The following ATG9A variants were observed in gnomAD, a reference collection of about 807,000 sequenced individuals.
ATG9A encodes the protein autophagy-related protein 9A.
In ATG9A, 21 loss-of-function variants were observed where a neutral mutation model predicts 87.1. The ratio of observed to expected loss-of-function variants is 0.24; its 90% CI spans 0.17 to 0.35. The LOEUF (loss-of-function observed/expected upper bound fraction) is 0.35, where lower values mean the gene tolerates loss of function less well. Among genes scored for constraint, ATG9A ranks in the 10% least tolerant of loss-of-function variants. The pLI, the probability that ATG9A is intolerant of heterozygous loss-of-function variation, is 1.00. For missense variants in ATG9A, 836 were observed against 1,107.3 expected (o/e 0.76, Z 3.48); for synonymous variants, 422 against 441.3 (o/e 0.96, Z 0.55).
rs1417044536 is a variant in ATG9A, at chr2:219,222,183, G to GA, written c.2028-17dup. ...GGCATCCACCCTGTCTCTCCCAACA[G>GA]AGACAGACAGCAGCTGTGAACTTCT... On this transcript the variant is annotated splice_polypyrimidine_tract_variant and intron_variant, in intron 12 of 15. Transcript: ENST00000361242. The surrounding 1 kb of genome is among the most constrained non-coding windows in gnomAD (Gnocchi z 4.3). 3.7e-6 allele frequency: 6 copies of GA among 1,613,496 alleles called. No homozygotes were observed. The highest frequency in any genetic ancestry group is 5.1e-6 in the Non-Finnish European group (6 of 1,179,786).
chr2:219,223,500 G>A lies in ATG9A; in HGVS notation c.1599+85C>T. ...ATAGGACTGCCTTTGTGTGACTCAG[G>A]AGAGGTGTCTTTTTGCGGTTTTCCC... On this transcript the variant is annotated intron_variant, in intron 10 of 15. Coordinates refer to ENST00000361242, the MANE Select transcript of ATG9A (RefSeq NM_001077198.3). The surrounding 1 kb of genome is among the most constrained non-coding windows in gnomAD (Gnocchi z 4.7). 1 of 1,437,058 alleles carries A rather than the reference G, an allele frequency of 7.0e-7. No individual in the cohort carries two copies. Among genetic ancestry groups the A allele is most frequent in the Non-Finnish European group, 9.4e-7 (1 of 1,068,392 alleles). 89.0% of individuals were successfully genotyped at this position (1,437,058 alleles called of 1,614,324 possible). A position where few individuals can be genotyped will look rare whatever the true frequency, so the allele number is the denominator to read the frequency against.
chr2:219,220,733 C>A lies in ATG9A; in HGVS notation c.2514+14G>T. ...CTATTTCTGGCAGTTTTTCCTAGGC[C>A]CCGGGGCCCTTACCTTGTGCACCTG... On this transcript the variant is annotated intron_variant, in intron 15 of 15. Coordinates refer to ENST00000361242, the MANE Select transcript of ATG9A (RefSeq NM_001077198.3). 1 of 1,610,238 alleles carries A rather than the reference C, an allele frequency of 6.2e-7. No individual in the cohort carries two copies. The highest frequency in any genetic ancestry group is 8.5e-7 in the Non-Finnish European group (1 of 1,178,006).
rs1950800358 is a variant in ATG9A at position 219,223,278 on chromosome 2, A to T, written c.1599+307T>A. Among the ~76,000 whole-genome samples, 3 of 151,938 alleles carry T rather than the reference A, an allele frequency of 2.0e-5. No individual in the cohort carries two copies. The South Asian group carries it at 6.3e-4, about 32-fold the overall frequency. On this transcript the variant is annotated intron_variant, in intron 10 of 15. Transcript: ENST00000361242. This position sits in a 1 kb window ranked among gnomAD's most constrained non-coding sequence, Gnocchi z 4.7. Reference sequence around the variant, plus strand: ...AATTTTTTTGTATTTTTAGTAGAGAAGGGGTTTCACCGTGTTAGCCAGGAT... The same window carrying T: ...AATTTTTTTGTATTTTTAGTAGAGATGGGGTTTCACCGTGTTAGCCAGGAT...
chr2:219,227,858 G>T (rs1283278819), intron 3 of ATG9A, 45 bp from the exon 4 acceptor site: 4 of 1,612,782 alleles, frequency 2.5e-6, no homozygotes, highest in Non-Finnish European at 3.4e-6. Flanking sequence ...GAGAACACAA[G>T]CCCCTTGCTC....
In ATG9A at chr2:219,220,803, G is replaced by A; in HGVS notation, c.2458C>T (p.Pro820Ser). The stretch of plus-strand genomic sequence containing the variant: ...GAGCCCTCTTCGGGCACGGGCTCAG[G>A]GTGCCTTGATGCCGACTGCCCATCT... ...AEDGQSASRH[P>S]EPVPEEGSED... is the part of the protein sequence containing the mutation. The change falls in exon 15 of 16, where the codon CCT (proline) becomes TCT (serine). Residue 820 changes from proline to serine, a missense_variant. Transcript: ENST00000361242. The A allele has an allele frequency of 6.2e-7, 1 of 1,613,484 alleles. No individual in the cohort carries two copies. The highest frequency in any genetic ancestry group is 8.5e-7 in the Non-Finnish European group (1 of 1,179,996).
Position 219,228,036 on chromosome 2 carries a change from CCT to C in ATG9A, c.-14_-13del. 3 of 1,608,458 alleles carry C rather than the reference CCT, an allele frequency of 1.9e-6. No individual in the cohort carries two copies. Among genetic ancestry groups the C allele is most frequent in the Non-Finnish European group, 2.6e-6 (3 of 1,175,990 alleles). On this transcript the variant is annotated 5_prime_UTR_variant, in exon 3 of 16. Coordinates refer to ENST00000361242, the MANE Select transcript of ATG9A (RefSeq NM_001077198.3). ...TCAAACTGCGCCATCACCACCGCCC[CCT>C]GTCCACCTTGACCACCTGCCAATAA... is the stretch of plus-strand genomic sequence containing the variant.
intron 5 of ATG9A, 71 bp downstream of exon 5, chr2:219,226,798 G>C: frequency 1.4e-6 from 2 of 1,440,524 alleles, no homozygotes; most frequent in Non-Finnish European, 2.0e-6. Flanking sequence ...GTTGGGCCAA[G>C]TGTGAGTGCA....
In ATG9A at chr2:219,222,098, T is replaced by C. The variant is rs777048803; in HGVS notation, c.2097A>G (p.Ser699=). 1.2e-6 allele frequency: 2 copies of C among 1,614,118 alleles called. No individual in the cohort carries two copies. The highest frequency in any genetic ancestry group is 1.3e-5 in the African/African-American group (1 of 75,056). The change falls in exon 13 of 16, where the codon TCA becomes TCG. Residue 699 remains serine, a synonymous_variant. Coordinates refer to ENST00000361242, the MANE Select transcript of ATG9A (RefSeq NM_001077198.3). This position sits in a 1 kb window ranked among gnomAD's most constrained non-coding sequence, Gnocchi z 4.3. ...GGCTCATCTCTGTGGATGCATATTC[T>C]GACAGCACCAGGCTCTGCAGCTGTC... ...WEGQLQSLVL[S]EYASTEMSLH...
intron 13 of ATG9A, 105 bp downstream of exon 13, chr2:219,221,945 G>T: frequency 1.1e-6 from 1 of 952,238 alleles, no homozygotes; most frequent in Non-Finnish European, 1.6e-6. Context: ...GGTAGATATG[G>T]GAGTGGAGGT....
Position 219,227,925 on chromosome 2 carries a change from TGCTCCCCTCGGCGACGTGCACCAACAG to T in ATG9A, c.73_99del (p.Leu25_Ser33del). Reference sequence around the variant, plus strand: ...GCTGTCATATCCAAGAACTCACACTTGCTCCCCTCGGCGACGTGCACCAACAGGTCCTCCTCCCCTGGGGGTGAATCA... The same window carrying T: ...GCTGTCATATCCAAGAACTCACACTTGTCCTCCTCCCCTGGGGGTGAATCA... On this transcript the variant is annotated inframe_deletion, in exon 3 of 16. Coordinates refer to ENST00000361242, the MANE Select transcript of ATG9A (RefSeq NM_001077198.3). 6.2e-7 allele frequency: 1 copy of T among 1,614,090 alleles called. No homozygotes were observed. Among genetic ancestry groups the T allele is most frequent in the Non-Finnish European group, 8.5e-7 (1 of 1,179,986 alleles).
chr2:219,226,728 C>T, intron 5 of ATG9A, 141 bp downstream of exon 5: 2 of 735,308 alleles, frequency 2.7e-6, no homozygotes, highest in Admixed American at 4.5e-5. Context: ...GGTGCCACAC[C>T]CAGTCCCTGA....
At position 219,223,310 on chromosome 2, in the gene ATG9A, G is replaced by A. The variant is rs907286645; in HGVS notation, c.1599+275C>T. Among the ~76,000 whole-genome samples, 1 of 151,978 alleles carries A rather than the reference G, an allele frequency of 6.6e-6. No individual in the cohort carries two copies. The highest frequency in any genetic ancestry group is 1.5e-5 in the Non-Finnish European group (1 of 68,002). ...TCACCGTGTTAGCCAGGATGGTCTC[G>A]ATCTCCTGACCTCGTGATCCACCCG... On this transcript the variant is annotated intron_variant, in intron 10 of 15. Transcript: ENST00000361242. The surrounding 1 kb of genome is among the most constrained non-coding windows in gnomAD (Gnocchi z 4.7).
rs1450702130 is a variant in ATG9A at position 219,227,932 on chromosome 2, C to T, written c.93G>A (p.Glu31=). Residue 31 remains glutamate, a synonymous_variant, in exon 3 of 16, where the codon GAG becomes GAA. Transcript: ENST00000361242. ...GEEDLLVHVA[E]GSKSPWHHIE... ...TATCCAAGAACTCACACTTGCTCCC[C>T]TCGGCGACGTGCACCAACAGGTCCT... The T allele has an allele frequency of 3.1e-6, 5 of 1,614,044 alleles. No individual in the cohort carries two copies. The highest frequency in any genetic ancestry group is 3.3e-5 in the Admixed American group (2 of 60,008).
Position 219,224,612 on chromosome 2 carries a change from C to T in ATG9A, c.759G>A (p.Leu253=), listed in dbSNP as rs772813132. 7 of 1,614,074 alleles carry T rather than the reference C, an allele frequency of 4.3e-6. No individual in the cohort carries two copies. In the Admixed American group the frequency reaches 1.2e-4, roughly 27 times the overall value. ...GAGAGCCAGGTCCCCAGAAGAGGAT[C>T]AGCTCAAAGTTGTACTTGAGACCAC... ...FTRGLKYNFE[L]ILFWGPGSLF... The change falls in exon 8 of 16, where the codon CTG becomes CTA. Residue 253 remains leucine, a synonymous_variant. Coordinates refer to ENST00000361242, the MANE Select transcript of ATG9A (RefSeq NM_001077198.3). The surrounding 1 kb of genome is among the most constrained non-coding windows in gnomAD (Gnocchi z 7.7).
In ATG9A at chr2:219,222,740, G is replaced by A. The variant is rs988508313; in HGVS notation, c.1753C>T (p.Gln585Ter). 1 of 1,614,198 alleles carries A rather than the reference G, an allele frequency of 6.2e-7. No individual in the cohort carries two copies. Among genetic ancestry groups the A allele is most frequent in the Non-Finnish European group, 8.5e-7 (1 of 1,180,038 alleles). The change falls in exon 11 of 16, where the codon CAG becomes TAG. Residue 585 changes from glutamine to a stop codon, truncating the protein, a stop_gained. Coordinates refer to ENST00000361242, the MANE Select transcript of ATG9A (RefSeq NM_001077198.3). LOFTEE classifies it high-confidence loss of function. The surrounding 1 kb of genome is among the most constrained non-coding windows in gnomAD (Gnocchi z 4.3). ...AGGCTAGCAGCTGCTCCATCCCGCT[G>A]AACCTGCTCCTTGAGGAAGCCTAGG... The part of the protein sequence containing the change: ...AFLGFLKEQV[Q>*]RDGAAASLAQ...
intron 5 of ATG9A, among the ~76,000 whole-genome samples, chr2:219,226,256 G>A (rs1028765671): frequency 6.6e-6 from 1 of 152,092 alleles, no homozygotes; most frequent in African/African-American, 2.4e-5. Context: ...GATTACAGGC[G>A]TGTGCCACCA....
Position 219,224,229 on chromosome 2 carries a change from G to C in ATG9A, c.1142C>G (p.Ala381Gly), listed in dbSNP as rs369827739. 27 of 1,613,776 alleles carry C rather than the reference G, an allele frequency of 1.7e-5. No homozygotes were observed. The highest frequency in any genetic ancestry group is 1.0e-4 in the Admixed American group (6 of 60,004). ...PLLTLLAKNG[A>G]FFAGSILAVL... ...AGCCAGGATGGAGCCAGCGAAGAAG[G>C]CTCCATTCTTGGCCAGCAGTGTCAA... The change falls in exon 8 of 16, where the codon GCC becomes GGC. Residue 381 changes from alanine (A) to glycine (G), a missense_variant. This residue lies in a region of ATG9A where 512 missense variants were observed against 759.6 expected (regional missense o/e 0.67). Transcript: ENST00000361242. The surrounding 1 kb of genome is among the most constrained non-coding windows in gnomAD (Gnocchi z 7.7).
intron 5 of ATG9A, 139 bp downstream of exon 5, chr2:219,226,730 A>C (rs1950869289): frequency 1.3e-6 from 1 of 747,734 alleles, no homozygotes; most frequent in African/African-American, 1.8e-5. Context: ...TGCCACACCC[A>C]GTCCCTGAAC....
rs1351809141 is a variant in ATG9A, at chr2:219,220,332, C to T, written c.*115G>A. On this transcript the variant is annotated 3_prime_UTR_variant, in exon 16 of 16. Coordinates refer to ENST00000361242, the MANE Select transcript of ATG9A (RefSeq NM_001077198.3). Reference sequence around the variant, plus strand: ...CCTTGGCCAGGCACAGACACACAAACACCACACACGTGGGGCCAGGGAACA... The same window carrying T: ...CCTTGGCCAGGCACAGACACACAAATACCACACACGTGGGGCCAGGGAACA... The T allele has an allele frequency of 7.2e-6, 10 of 1,395,098 alleles. No homozygotes were observed. In the Admixed American group the frequency reaches 9.3e-5, roughly 13 times the overall value. The allele number at this position is 1,395,098 out of a possible 1,614,324, so 86.4% of individuals were successfully genotyped here.
Sources: allele counts gnomAD v4.1 joint callset (sites outside exome capture counted in the v4.1 genomes callset), GRCh38; gene constraint gnomAD v4.1.1; regional missense constraint gnomAD v4.1.1; non-coding constraint Gnocchi (gnomAD v3.1); transcripts MANE v1.5; gene names NCBI Gene and HGNC (gene_info 2026-07-23, HGNC 2026-07-21).